TXNDC16: variants seen among roughly 807,000 people sequenced by gnomAD.
The protein encoded by TXNDC16 is thioredoxin domain-containing protein 16.
In TXNDC16, 74 loss-of-function variants were observed where a neutral mutation model predicts 85.6. The ratio of observed to expected loss-of-function variants is 0.86; its 90% CI spans 0.72 to 1.05. The LOEUF (loss-of-function observed/expected upper bound fraction) is 1.05. Ranked by LOEUF, TXNDC16 falls within the 50% of genes least tolerant of loss-of-function variation. The pLI is 0.00. For missense variants in TXNDC16, 959 were observed against 947.0 expected (o/e 1.01, Z -0.17); for synonymous variants, 335 against 326.5 (o/e 1.03, Z -0.28).
intron 13 of TXNDC16, 71 bp from the exon 14 acceptor site, chr14:52,482,360 AAT>A (rs891873824): frequency 7.7e-7 from 1 of 1,299,588 alleles, no homozygotes; most frequent in African/African-American, 1.5e-5. Context: ...ATATGTAACA[AAT>A]ATACAGATTT....
intron 2 of TXNDC16, 125 bp from the exon 3 acceptor site, chr14:52,543,755 T>C: frequency 5.7e-6 from 3 of 528,154 alleles, no homozygotes; most frequent in Non-Finnish European, 9.7e-6. Flanking sequence ...CTTTACTATA[T>C]CATAAAAATT....
chr14:52,518,165 G>T (rs2037128555), intron 7 of TXNDC16, among the ~76,000 whole-genome samples: 1 of 152,130 alleles, frequency 6.6e-6, no homozygotes, highest in African/African-American at 2.4e-5. Flanking sequence ...ATCCATAAAT[G>T]TTGAAGTATC....
chr14:52,499,580 C>T (rs538248332), intron 9 of TXNDC16, among the ~76,000 whole-genome samples: 1 of 147,666 alleles, frequency 6.8e-6, no homozygotes, highest in African/African-American at 2.5e-5. Flanking sequence ...CATGAGGTAT[C>T]ATCTCATATC....
chr14:52,470,012 A>C (rs781713033), intron 16 of TXNDC16, 25 bp downstream of exon 16: 5 of 1,588,822 alleles, frequency 3.1e-6, no homozygotes, highest in Non-Finnish European at 4.3e-6. Flanking sequence ...TCTACTGTAT[A>C]ATTTAAAAGC....
intron 12 of TXNDC16, 125 bp from the exon 13 acceptor site, chr14:52,483,090 A>G (rs753274340): frequency 1.4e-6 from 1 of 710,210 alleles, no homozygotes; most frequent in Non-Finnish European, 2.1e-6. Flanking sequence ...TCCTATCTTA[A>G]TAGTTAGGAT....
chr14:52,476,507 G>A (rs1173936140), intron 14 of TXNDC16, among the ~76,000 whole-genome samples: 2 of 151,956 alleles, frequency 1.3e-5, no homozygotes, highest in African/African-American at 4.8e-5. Context: ...CAAACCCTCA[G>A]GAAACAATAG....
intron 18 of TXNDC16, among the ~76,000 whole-genome samples, chr14:52,446,367 T>A (rs1314009727): frequency 1.3e-5 from 2 of 152,090 alleles, no homozygotes; most frequent in African/African-American, 4.8e-5. Flanking sequence ...CCACAGTGGG[T>A]GTATTTAAAC....
chr14:52,486,890 C>T (rs982281551), intron 12 of TXNDC16, among the ~76,000 whole-genome samples: 1 of 152,118 alleles, frequency 6.6e-6, no homozygotes, highest in Non-Finnish European at 1.5e-5. Flanking sequence ...CTGACCTGAT[C>T]ACCATACATT....
At position 52,472,895 on chromosome 14, in the gene TXNDC16, C is replaced by G. The variant is rs528846061; in HGVS notation, c.1313-2215G>C. Among the ~76,000 whole-genome samples, 5 of 152,288 alleles carry G rather than the reference C, an allele frequency of 3.3e-5. No individual in the cohort carries two copies. In the South Asian group the frequency reaches 1.0e-3, roughly 32 times the overall value. Reference sequence around the variant, plus strand: ...GCAAGGGTGCACGTACCGGCAGGAACTAAGGACTAGACGTTTCCAAGATGG... The same window carrying G: ...GCAAGGGTGCACGTACCGGCAGGAAGTAAGGACTAGACGTTTCCAAGATGG... On this transcript the variant is annotated intron_variant, in intron 14 of 20. Coordinates refer to ENST00000281741, the MANE Select transcript of TXNDC16 (RefSeq NM_020784.3).
At chr14:52,503,279 AGTGGGTCC>A (rs1286606013) in intron 9 of TXNDC16, among the ~76,000 whole-genome samples, 2 of 152,242 alleles carry the variant, frequency 1.3e-5, no homozygotes, top group Non-Finnish European at 2.9e-5. Flanking sequence ...TGCCTCCTCA[AGTGGGTCC>A]CTGACCCCCA....
chr14:52,470,471 C>T, intron 15 of TXNDC16, 41 bp downstream of exon 15: 2 of 1,578,594 alleles, frequency 1.3e-6, no homozygotes, highest in Non-Finnish European at 1.7e-6. Context: ...CTTCTAAAGA[C>T]CTAAACATTC....
chr14:52,512,995 G>A (rs1282514875), intron 8 of TXNDC16, among the ~76,000 whole-genome samples: 3 of 152,196 alleles, frequency 2.0e-5, no homozygotes, highest in African/African-American at 7.2e-5. Flanking sequence ...GGACTGGCGG[G>A]CCCTAGGTCA....
chr14:52,480,979 A>ATATATATATATATATATG (rs1555336879), intron 14 of TXNDC16, among the ~76,000 whole-genome samples: 57 of 75,736 alleles, frequency 7.5e-4, no homozygotes, highest in African/African-American at 3.2e-3. Flanking sequence ...ATATATGTAT[A>ATATATATATATATATATG]TATATATATA....
intron 6 of TXNDC16, among the ~76,000 whole-genome samples, chr14:52,530,145 TTTTATATATAA>T (rs1459138044): frequency 2.4e-4 from 18 of 74,646 alleles, no homozygotes; most frequent in African/African-American, 2.5e-4. Flanking sequence ...TTTACATATA[TTTTATATATAA>T]TTTATATATA....
intron 6 of TXNDC16, among the ~76,000 whole-genome samples, chr14:52,533,990 T>C (rs1463128673): frequency 6.6e-6 from 1 of 152,142 alleles, no homozygotes; most frequent in Non-Finnish European, 1.5e-5. Flanking sequence ...CTCAATTTTC[T>C]CTAGAAAACT....
chr14:52,530,266 A>ATAT (rs1402569938), intron 6 of TXNDC16, among the ~76,000 whole-genome samples: 1 of 54,948 alleles, frequency 1.8e-5, no homozygotes, highest in Non-Finnish European at 2.8e-5. Context: ...TATATAATAT[A>ATAT]TATTATTATT....
intron 9 of TXNDC16, among the ~76,000 whole-genome samples, chr14:52,500,591 G>A (rs992201985): frequency 6.6e-6 from 1 of 152,002 alleles, no homozygotes; most frequent in East Asian, 1.9e-4. Flanking sequence ...TTGTGATGAG[G>A]GTAATCTTAC....
intron 18 of TXNDC16, among the ~76,000 whole-genome samples, chr14:52,454,519 C>T (rs953599685): frequency 4.0e-5 from 6 of 149,638 alleles, no homozygotes; most frequent in African/African-American, 1.5e-4. Flanking sequence ...TTTTTTTAAA[C>T]CAGGCTGGGC....
At chr14:52,533,135 T>C (rs2037621331) in intron 6 of TXNDC16, among the ~76,000 whole-genome samples, 1 of 152,138 alleles carries the variant, frequency 6.6e-6, no homozygotes. Context: ...GGATGTACAA[T>C]GCTCTGGGGC....
Sources: allele counts gnomAD v4.1 joint callset (sites outside exome capture counted in the v4.1 genomes callset), GRCh38; gene constraint gnomAD v4.1.1; transcripts MANE v1.5; gene names NCBI Gene and HGNC (gene_info 2026-07-23, HGNC 2026-07-21).